Variants in PPP1R9A observed in about 807,000 individuals in gnomAD.
PPP1R9A encodes the protein protein phosphatase 1 regulatory subunit 9A.
Under a neutral mutation model 141.9 loss-of-function variants are expected in PPP1R9A, and 59 were observed. The ratio of observed to expected loss-of-function variants is 0.42; its 90% CI spans 0.34 to 0.52. PPP1R9A has a LOEUF of 0.52. Among genes scored for constraint, PPP1R9A ranks in the 20% least tolerant of loss-of-function variants. The probability of loss-of-function intolerance (pLI) is 0.10; values close to 1 mark genes in which losing one functional copy is unlikely to be tolerated. For missense variants in PPP1R9A, 1,444 were observed against 1,611.9 expected (o/e 0.90, Z 1.78); for synonymous variants, 500 against 569.7 (o/e 0.88, Z 1.74).
chr7:94,908,604 A>G (rs1791074936), intron 1 of PPP1R9A: 1 of 151,848 alleles, frequency 6.6e-6, no homozygotes, highest in South Asian at 2.1e-4. Flanking sequence ...AGTTGGTGTT[A>G]TTTATGTTTG....
intron 2 of PPP1R9A, among the ~76,000 whole-genome samples, chr7:94,957,052 C>T (rs2151087915): frequency 6.6e-6 from 1 of 152,232 alleles, no homozygotes; most frequent in South Asian, 2.1e-4. Context: ...TATGAAATGG[C>T]AGAGTTCTCT....
At chr7:95,158,646 A>T (rs1830003574) in intron 4 of PPP1R9A, among the ~76,000 whole-genome samples, 1 of 152,256 alleles carries the variant, frequency 6.6e-6, no homozygotes, top group Non-Finnish European at 1.5e-5. Context: ...AAGATATATA[A>T]AAAGACAAGC....
At chr7:95,223,761 A>G (rs983595001) in intron 7 of PPP1R9A, among the ~76,000 whole-genome samples, 1 of 152,034 alleles carries the variant, frequency 6.6e-6, no homozygotes, top group Non-Finnish European at 1.5e-5. Flanking sequence ...AGTGAGTTCT[A>G]TATACCTGGT....
intron 2 of PPP1R9A, among the ~76,000 whole-genome samples, chr7:95,089,643 T>A (rs1338804232): frequency 2.0e-5 from 3 of 152,018 alleles, no homozygotes; most frequent in Non-Finnish European, 4.4e-5. Context: ...TGCCTTGTGG[T>A]TCTTTTCATC....
chr7:95,041,103 A>G (rs553819695), intron 2 of PPP1R9A, among the ~76,000 whole-genome samples: 32 of 152,310 alleles, frequency 2.1e-4, no homozygotes, highest in African/African-American at 7.2e-4. Context: ...AAATGCTGGG[A>G]TTGAAGGAAG....
At chr7:94,951,639 C>T (rs570420059) in intron 2 of PPP1R9A, among the ~76,000 whole-genome samples, 4 of 151,870 alleles carry the variant, frequency 2.6e-5, no homozygotes, top group South Asian at 4.2e-4. Flanking sequence ...CAGAGTTTTG[C>T]GTCAATGGTT....
chr7:95,049,470 C>T (rs1810492281), intron 2 of PPP1R9A, among the ~76,000 whole-genome samples: 1 of 152,130 alleles, frequency 6.6e-6, no homozygotes, highest in East Asian at 1.9e-4. Flanking sequence ...CCCAGCCTCT[C>T]CTACTGTTAA....
At position 95,203,730 on chromosome 7, in the gene PPP1R9A, G is replaced by A. The variant is rs865972335; in HGVS notation, c.1956G>A (p.Lys652=). 1 of 1,532,340 alleles carries A rather than the reference G, an allele frequency of 6.5e-7. No individual in the cohort carries two copies. The allele number at this position is 1,532,340 out of a possible 1,614,324, so 94.9% of individuals were successfully genotyped here. The part of the protein sequence containing the change: ...NCNNNNNYFL[K]TGEYATDEEE... ...ATAACAATAACAACTATTTTCTTAA[G>A]GTTTGTTTTTTGGTTTAAAGTAATG... The change falls in exon 7 of 20, where the codon AAG becomes AAA. Residue 652 remains lysine, a splice_region_variant and synonymous_variant. Transcript: ENST00000433360.
Position 95,133,006 on chromosome 7 carries a change from C to T in PPP1R9A, c.1649+12174C>T, listed in dbSNP as rs1824940684. Reference sequence around the variant, plus strand: ...GAGTGGCAAATTCTGGGTTCTTGTGCCATGACCAAGAAGAATTAGATACTC... The same window carrying T: ...GAGTGGCAAATTCTGGGTTCTTGTGTCATGACCAAGAAGAATTAGATACTC... On this transcript the variant is annotated intron_variant, in intron 4 of 19. Transcript: ENST00000433360. 2.0e-5 allele frequency among the ~76,000 whole-genome samples: 3 copies of T among 152,076 alleles called. No homozygotes were observed. The South Asian group carries it at 6.2e-4, about 32-fold the overall frequency.
intron 4 of PPP1R9A, among the ~76,000 whole-genome samples, chr7:95,130,470 A>T (rs1267064056): frequency 6.6e-6 from 1 of 152,174 alleles, no homozygotes; most frequent in African/African-American, 2.4e-5. Flanking sequence ...AGAATCTCTG[A>T]TAGAGCAGTG....
chr7:95,153,698 G>A (rs573317003), intron 4 of PPP1R9A, among the ~76,000 whole-genome samples: 50 of 152,100 alleles, frequency 3.3e-4, no homozygotes, highest in Non-Finnish European at 6.0e-4. Flanking sequence ...TACATGCATC[G>A]AATGAGGAGA....
At chr7:95,235,789 A>G (rs1390604329) in intron 8 of PPP1R9A, among the ~76,000 whole-genome samples, 2 of 152,332 alleles carry the variant, frequency 1.3e-5, no homozygotes, top group Middle Eastern at 3.4e-3. Flanking sequence ...TGTGGTTTAT[A>G]TGTACCATGG....
intron 8 of PPP1R9A, among the ~76,000 whole-genome samples, chr7:95,231,987 C>T (rs1479380238): frequency 6.6e-6 from 1 of 152,004 alleles, no homozygotes; most frequent in Non-Finnish European, 1.5e-5. Flanking sequence ...ATTGATAGAT[C>T]TCTAGCGAGA....
intron 2 of PPP1R9A, among the ~76,000 whole-genome samples, chr7:94,989,925 A>G (rs1265118784): frequency 1.3e-5 from 2 of 152,086 alleles, no homozygotes; most frequent in East Asian, 1.9e-4. Context: ...AAGTTTTTGA[A>G]CATAATTAGA....
chr7:95,139,809 T>TTAAAAAAAAAAAAAAAA (rs746490568), intron 4 of PPP1R9A, among the ~76,000 whole-genome samples: 1 of 132,830 alleles, frequency 7.5e-6, no homozygotes, highest in Non-Finnish European at 1.6e-5. Context: ...AAGCAAAACA[T>TTAAAAAAAAAAAAAAAA]TAAAAAAAAA....
rs1804285006 is a variant in PPP1R9A at position 95,281,818 on chromosome 7, A to G, written c.3297-2200A>G. 2.6e-5 allele frequency among the ~76,000 whole-genome samples: 4 copies of G among 152,220 alleles called. No homozygotes were observed. The South Asian group carries it at 8.3e-4, about 31-fold the overall frequency. ...TCATGGCCTATTTATAAACTTTAAA[A>G]CAATATCCATATATTTAAGCACTAC... On this transcript the variant is annotated intron_variant, in intron 16 of 19. Coordinates refer to ENST00000433360, the MANE Select transcript of PPP1R9A (RefSeq NM_001166160.2).
At chr7:95,213,699 A>G (rs1047140607) in intron 7 of PPP1R9A, among the ~76,000 whole-genome samples, 5 of 152,104 alleles carry the variant, frequency 3.3e-5, no homozygotes, top group African/African-American at 1.2e-4. Flanking sequence ...TTTGGAAGCC[A>G]TTTCTTAACT....
At chr7:95,136,323 A>T (rs1162443244) in intron 4 of PPP1R9A, among the ~76,000 whole-genome samples, 1 of 152,170 alleles carries the variant, frequency 6.6e-6, no homozygotes, top group Non-Finnish European at 1.5e-5. Context: ...GGGCACAGTG[A>T]CATGCACCTA....
intron 2 of PPP1R9A, among the ~76,000 whole-genome samples, chr7:95,017,679 G>A (rs887790120): frequency 6.6e-6 from 1 of 152,088 alleles, no homozygotes; most frequent in African/African-American, 2.4e-5. Context: ...GAAGGTTGGA[G>A]GACTTATCCT....
Sources: allele counts gnomAD v4.1 joint callset (sites outside exome capture counted in the v4.1 genomes callset), GRCh38; gene constraint gnomAD v4.1.1; transcripts MANE v1.5; gene names NCBI Gene and HGNC (gene_info 2026-07-23, HGNC 2026-07-21).